VPS37B: variants seen among roughly 807,000 people sequenced by gnomAD.
The protein encoded by VPS37B is vacuolar protein sorting-associated protein 37B.
Under a neutral mutation model 21.2 loss-of-function variants are expected in VPS37B, and 11 were observed. The ratio of observed to expected loss-of-function variants is 0.52; its 90% CI spans 0.33 to 0.86. The LOEUF (loss-of-function observed/expected upper bound fraction) is 0.86, where lower values mean the gene tolerates loss of function less well. VPS37B is among the 40% of genes least tolerant of loss of function. VPS37B has a pLI of 0.03. For missense variants in VPS37B, 389 were observed against 374.8 expected (o/e 1.04, Z -0.31); for synonymous variants, 175 against 159.6 (o/e 1.10, Z -0.73).
chr12:122,885,039 C>G (rs2034301273), intron 1 of VPS37B: 1 of 152,102 alleles, frequency 6.6e-6, no homozygotes, highest in South Asian at 2.1e-4. Flanking sequence ...TCACGTGACT[C>G]CAATTACTCA....
chr12:122,865,901 G>A lies in VPS37B; in HGVS notation c.*1215C>T, dbSNP rs1459801510. The A allele has an allele frequency of 6.6e-6, 1 of 152,424 alleles. No homozygotes were observed. The highest frequency in any genetic ancestry group is 1.5e-5 in the Non-Finnish European group (1 of 68,170). 9.4% of individuals were successfully genotyped at this position (152,424 alleles called of 1,614,324 possible). On this transcript the variant is annotated 3_prime_UTR_variant, in exon 4 of 4. Transcript: ENST00000267202. ...GCACGTGAAGATGAGGTCCCACAGG[G>A]GTGGGGGAAGAGCAGGTGCAGACGG...
chr12:122,870,969 C>T lies in VPS37B; in HGVS notation c.204G>A (p.Thr68=), dbSNP rs538029514. 24 of 1,614,212 alleles carry T rather than the reference C, an allele frequency of 1.5e-5. No individual in the cohort carries two copies. In the Admixed American group the frequency reaches 3.5e-4, roughly 24 times the overall value. The change falls in exon 2 of 4, where the codon ACG becomes ACA. Residue 68 remains threonine, a synonymous_variant. Coordinates refer to ENST00000267202, the MANE Select transcript of VPS37B (RefSeq NM_024667.3). The part of the protein sequence containing the change: ...GNLLYQPQLD[T]LKARLTQKYQ... ...ATTTCTGGGTCAAGCGTGCTTTCAACGTGTCCAGCTGGGGCTGGTACAAAA... is the reference window on the plus strand; with the variant it reads ...ATTTCTGGGTCAAGCGTGCTTTCAATGTGTCCAGCTGGGGCTGGTACAAAA...
chr12:122,867,079 G>A lies in VPS37B; in HGVS notation c.*37C>T, dbSNP rs2033915657. On this transcript the variant is annotated 3_prime_UTR_variant, in exon 4 of 4. Transcript: ENST00000267202. This position sits in a 1 kb window ranked among gnomAD's most constrained non-coding sequence, Gnocchi z 5.5. Reference sequence around the variant, plus strand: ...CCCGTGAGCAGAGCACAACACGCCAGGTGGAAGAAGTCTCCCGGGAAGGAC... The same window carrying A: ...CCCGTGAGCAGAGCACAACACGCCAAGTGGAAGAAGTCTCCCGGGAAGGAC... 5 of 1,489,306 alleles carry A rather than the reference G, an allele frequency of 3.4e-6. No homozygotes were observed. Among genetic ancestry groups the A allele is most frequent in the Non-Finnish European group, 4.5e-6 (5 of 1,123,312 alleles). The allele number at this position is 1,489,306 out of a possible 1,614,324, so 92.3% of individuals were successfully genotyped here. A position where few individuals can be genotyped will look rare whatever the true frequency, so the allele number is the denominator to read the frequency against.
chr12:122,869,933 A>G (rs1168851524), intron 2 of VPS37B: 1 of 152,020 alleles, frequency 6.6e-6, no homozygotes, highest in Non-Finnish European at 1.5e-5. Context: ...TGTCCCTTTG[A>G]TAACTATCAA....
intron 1 of VPS37B, chr12:122,885,887 G>T (rs1374302897): frequency 6.6e-6 from 1 of 150,934 alleles, no homozygotes; most frequent in Non-Finnish European, 1.5e-5. Context: ...GTTTCACCGT[G>T]TTAGCCAGGA....
Position 122,867,716 on chromosome 12 carries a change from C to CT in VPS37B, c.367-110dup. The CT allele has an allele frequency of 6.9e-7, 1 of 1,452,172 alleles. No individual in the cohort carries two copies. Among genetic ancestry groups the CT allele is most frequent in the Non-Finnish European group, 9.4e-7 (1 of 1,061,658 alleles). The allele number at this position is 1,452,172 out of a possible 1,614,324, so 90.0% of individuals were successfully genotyped here. A position where few individuals can be genotyped will look rare whatever the true frequency, so the allele number is the denominator to read the frequency against. On this transcript the variant is annotated intron_variant, in intron 3 of 3. Transcript: ENST00000267202. The surrounding 1 kb of genome is among the most constrained non-coding windows in gnomAD (Gnocchi z 5.5). ...GCCCAGCTGCTTCCAACACTGCCCC[C>CT]TCCCTGTAACCACCCAGAGGGCCTC...
chr12:122,872,235 A>G, intron 1 of VPS37B: 1 of 985,496 alleles, frequency 1.0e-6, no homozygotes, highest in Non-Finnish European at 1.2e-6. Flanking sequence ...CACAAGGAAG[A>G]GCCTCAGGGA....
At chr12:122,871,324 G>C in intron 1 of VPS37B, 1 of 1,192,420 alleles carries the variant, frequency 8.4e-7, no homozygotes, top group South Asian at 3.2e-5. Flanking sequence ...ACTCCATGCA[G>C]AGCCTTCCCT....
intron 1 of VPS37B, chr12:122,882,614 A>C (rs2034261835): frequency 6.6e-6 from 1 of 152,240 alleles, no homozygotes; most frequent in Non-Finnish European, 1.5e-5. Flanking sequence ...TTGATAAAGA[A>C]AGGCTGCCAT....
chr12:122,880,551 A>G (rs549140935), intron 1 of VPS37B: 1 of 152,166 alleles, frequency 6.6e-6, no homozygotes, highest in Non-Finnish European at 1.5e-5. Flanking sequence ...TAATTTACAC[A>G]CCGGTGCAGT....
Position 122,866,997 on chromosome 12 carries a change from GAC to G in VPS37B, c.*117_*118del, listed in dbSNP as rs1422365248. The G allele has an allele frequency of 2.3e-6, 3 of 1,297,130 alleles. No individual in the cohort carries two copies. Among genetic ancestry groups the G allele is most frequent in the Non-Finnish European group, 3.0e-6 (3 of 987,184 alleles). The allele number at this position is 1,297,130 out of a possible 1,614,324, so 80.4% of individuals were successfully genotyped here. On this transcript the variant is annotated 3_prime_UTR_variant, in exon 4 of 4. Transcript: ENST00000267202. Reference sequence around the variant, plus strand: ...TGACCTACAGTTCTAAAATCAGACAGACACGCTGGCCCAGGGCCCCAGAGCCC... The same window carrying G: ...TGACCTACAGTTCTAAAATCAGACAGACGCTGGCCCAGGGCCCCAGAGCCC...
rs1184944828 is a variant in VPS37B, at chr12:122,870,880, A to G, written c.283+10T>C. On this transcript the variant is annotated intron_variant, in intron 2 of 3. Transcript: ENST00000267202. ...TCTTTATTCTCGAATGATCACCCTT[A>G]AAAAGTTACCTAATTTGGTCTTCTT... 6.2e-7 allele frequency: 1 copy of G among 1,610,728 alleles called. No individual in the cohort carries two copies. Among genetic ancestry groups the G allele is most frequent in the South Asian group, 1.1e-5 (1 of 90,574 alleles).
In VPS37B at chr12:122,867,305, A is replaced by C. The variant is rs1167439658; in HGVS notation, c.669T>G (p.Phe223Leu). 2 of 1,552,502 alleles carry C rather than the reference A, an allele frequency of 1.3e-6. No individual in the cohort carries two copies. The highest frequency in any genetic ancestry group is 1.7e-6 in the Non-Finnish European group (2 of 1,147,040). ...CCTGTCCCGAACTCATGGCCGCAGT[A>C]AACGGGGTGGCTAAGCGTCCCGCAG... ...PVPAGRLATP[F>L]TAAMSSGQAV... is the part of the protein sequence containing the mutation. Residue 223 changes from phenylalanine to leucine, a missense_variant, in exon 4 of 4, where the codon TTT (phenylalanine) becomes TTG (leucine). Physicochemically the swap from Phe to Leu is conservative, Grantham distance 22. Coordinates refer to ENST00000267202, the MANE Select transcript of VPS37B (RefSeq NM_024667.3). This position sits in a 1 kb window ranked among gnomAD's most constrained non-coding sequence, Gnocchi z 5.5.
chr12:122,870,074 C>A (rs2033994724), intron 2 of VPS37B: 1 of 141,516 alleles, frequency 7.1e-6, no homozygotes, highest in East Asian at 2.1e-4. Context: ...TAACAAACAG[C>A]ATAAGACAAA....
At chr12:122,869,391 G>A (rs1278684953) in intron 2 of VPS37B, among the ~76,000 whole-genome samples, 1 of 152,200 alleles carries the variant, frequency 6.6e-6, no homozygotes, top group African/African-American at 2.4e-5. Flanking sequence ...AAAAGGAGGT[G>A]GCTGTGGCAG....
chr12:122,894,577 G>T (rs1372184532), intron 1 of VPS37B, among the ~76,000 whole-genome samples: 9 of 152,214 alleles, frequency 5.9e-5, no homozygotes, highest in Admixed American at 2.0e-4. Context: ...TGTAGGCGTG[G>T]GAAGGCTCAG....
chr12:122,885,421 TA>T (rs1345028879), intron 1 of VPS37B: 3 of 152,206 alleles, frequency 2.0e-5, no homozygotes, highest in Admixed American at 1.3e-4. Flanking sequence ...ACATAGCTGT[TA>T]AAAATCATGT....
At position 122,867,074 on chromosome 12, in the gene VPS37B, C is replaced by T. The variant is rs546041008; in HGVS notation, c.*42G>A. On this transcript the variant is annotated 3_prime_UTR_variant, in exon 4 of 4. Coordinates refer to ENST00000267202, the MANE Select transcript of VPS37B (RefSeq NM_024667.3). This position sits in a 1 kb window ranked among gnomAD's most constrained non-coding sequence, Gnocchi z 5.5. ...TCCTTCCCGTGAGCAGAGCACAACA[C>T]GCCAGGTGGAAGAAGTCTCCCGGGA... 5.4e-6 allele frequency: 8 copies of T among 1,483,850 alleles called. No individual in the cohort carries two copies. The Admixed American group carries it at 8.0e-5, about 15-fold the overall frequency. The allele number at this position is 1,483,850 out of a possible 1,614,324, so 91.9% of individuals were successfully genotyped here.
At chr12:122,869,373 G>A (rs1478651691) in intron 2 of VPS37B, among the ~76,000 whole-genome samples, 1 of 152,210 alleles carries the variant, frequency 6.6e-6, no homozygotes. Flanking sequence ...TTCCCCAGGT[G>A]AAATGAGAAA....
Sources: allele counts gnomAD v4.1 joint callset (sites outside exome capture counted in the v4.1 genomes callset), GRCh38; gene constraint gnomAD v4.1.1; non-coding constraint Gnocchi (gnomAD v3.1); transcripts MANE v1.5; gene names NCBI Gene and HGNC (gene_info 2026-07-23, HGNC 2026-07-21).